STXBP5: variants seen among roughly 807,000 people sequenced by gnomAD.
STXBP5 encodes syntaxin-binding protein 5.
In STXBP5, 50 loss-of-function variants were observed where a neutral mutation model predicts 152.4. The observed-to-expected ratio is 0.33, with a 90% CI of 0.26 to 0.42. The LOEUF is 0.42. Ranked by LOEUF, STXBP5 falls within the 10% of genes least tolerant of loss-of-function variation. The pLI, the probability that STXBP5 is intolerant of heterozygous loss-of-function variation, is 1.00. For missense variants in STXBP5, 1,167 were observed against 1,388.6 expected, an observed-to-expected ratio of 0.84 and a Z score of 2.54; for synonymous variants, 492 against 494.7, an observed-to-expected ratio of 0.99 and a Z score of 0.07.
At chr6:147,332,735 C>T (rs1300861424) in intron 18 of STXBP5, among the ~76,000 whole-genome samples, 1 of 152,176 alleles carries the variant, frequency 6.6e-6, no homozygotes, top group East Asian at 1.9e-4. Context: ...GATGAAGGCA[C>T]TGAATGGATT....
chr6:147,323,133 C>T (rs960196685), intron 16 of STXBP5, among the ~76,000 whole-genome samples: 3 of 151,114 alleles, frequency 2.0e-5, no homozygotes, highest in Admixed American at 2.0e-4. Context: ...TACTCAACCT[C>T]CAATTCATTC....
At chr6:147,283,161 T>C (rs1780780751) in intron 8 of STXBP5, among the ~76,000 whole-genome samples, 1 of 152,220 alleles carries the variant, frequency 6.6e-6, no homozygotes, top group African/African-American at 2.4e-5. Context: ...TGAAGCTTAT[T>C]CATCAATGTA....
chr6:147,331,827 A>AAC (rs1783589523), intron 18 of STXBP5, among the ~76,000 whole-genome samples: 2 of 144,858 alleles, frequency 1.4e-5, no homozygotes, highest in Admixed American at 7.0e-5. Context: ...AAAAAAAAAA[A>AAC]CACACAAAAC....
chr6:147,385,421 A>G lies in STXBP5; in HGVS notation c.*666A>G, dbSNP rs190176311. On this transcript the variant is annotated 3_prime_UTR_variant, in exon 28 of 28. Transcript: ENST00000321680. ...ATTTAGTTCATATTTTGTCAAAAGCAAAACAAGAAGATACATCACTTTTCA... is the reference window on the plus strand; with the variant it reads ...ATTTAGTTCATATTTTGTCAAAAGCGAAACAAGAAGATACATCACTTTTCA... 2.0e-4 allele frequency: 31 copies of G among 152,254 alleles called. No homozygotes were observed. Among genetic ancestry groups the G allele is most frequent in the Admixed American group, 1.9e-3 (29 of 15,278 alleles). The allele number at this position is 152,254 out of a possible 1,614,324, so 9.4% of individuals were successfully genotyped here. A position where few individuals can be genotyped will look rare whatever the true frequency, so the allele number is the denominator to read the frequency against.
rs146237432 is a variant in STXBP5, at chr6:147,334,485, T to G, written c.2146+263T>G. On this transcript the variant is annotated intron_variant, in intron 19 of 27. Coordinates refer to ENST00000321680, the MANE Select transcript of STXBP5 (RefSeq NM_001127715.4). ...TTAATGTTCTTATATTTACACCTTTTTTAGAGAAAATATATTTTACTCCTT... is the reference window on the plus strand; with the variant it reads ...TTAATGTTCTTATATTTACACCTTTGTTAGAGAAAATATATTTTACTCCTT... Among the ~76,000 whole-genome samples, 66 of 152,308 alleles carry G rather than the reference T, an allele frequency of 4.3e-4. No homozygotes were observed. The East Asian group carries it at 0.012, about 27-fold the overall frequency.
chr6:147,213,004 A>G (rs1776937941), intron 2 of STXBP5, among the ~76,000 whole-genome samples: 1 of 152,208 alleles, frequency 6.6e-6, no homozygotes, highest in African/African-American at 2.4e-5. Flanking sequence ...AAACAAGAAT[A>G]TTGAGTTCCT....
chr6:147,247,695 C>T (rs1412100663), intron 4 of STXBP5, among the ~76,000 whole-genome samples: 2 of 152,040 alleles, frequency 1.3e-5, no homozygotes, highest in Admixed American at 6.6e-5. Flanking sequence ...TCTTTTGTTT[C>T]AATATTGTGA....
intron 6 of STXBP5, among the ~76,000 whole-genome samples, chr6:147,265,844 T>C (rs1347427941): frequency 6.6e-6 from 1 of 152,054 alleles, no homozygotes; most frequent in Non-Finnish European, 1.5e-5. Context: ...ATCCCGGTTT[T>C]ACAGACTGCA....
chr6:147,272,790 T>C (rs1461247452), intron 7 of STXBP5, among the ~76,000 whole-genome samples: 1 of 152,174 alleles, frequency 6.6e-6, no homozygotes, highest in Non-Finnish European at 1.5e-5. Flanking sequence ...ATTTAATCTC[T>C]TGAGGGTGAT....
At position 147,262,319 on chromosome 6, in the gene STXBP5, TC is replaced by T; in HGVS notation, c.598del (p.His200IlefsTer2). On this transcript the variant is annotated frameshift_variant, in exon 6 of 28. Transcript: ENST00000321680. LOFTEE classifies it high-confidence loss of function. ...TCTAAATCTCACCCAGGACCTGTGG[TC>T]CATATAAGTGATAATCCAATGGACG... is the stretch of plus-strand genomic sequence containing the variant. Reference protein sequence around the residue: ...LSSKSHPGPVVHISDNPMDEG... With the variant: ...LSSKSHPGPVXHISDNPMDEG... 6.4e-7 allele frequency: 1 copy of T among 1,556,332 alleles called. No individual in the cohort carries two copies. The highest frequency in any genetic ancestry group is 8.6e-7 in the Non-Finnish European group (1 of 1,157,208).
intron 26 of STXBP5, among the ~76,000 whole-genome samples, chr6:147,374,214 T>A (rs930606078): frequency 6.6e-6 from 1 of 152,224 alleles, no homozygotes; most frequent in African/African-American, 2.4e-5. Context: ...CCTCTAAAAC[T>A]ATTCTAGTTC....
chr6:147,335,558 G>A (rs1047425021), intron 19 of STXBP5, among the ~76,000 whole-genome samples: 1 of 152,132 alleles, frequency 6.6e-6, no homozygotes, highest in African/African-American at 2.4e-5. Context: ...TCCTGGGCCA[G>A]ACTTTCAAAA....
intron 4 of STXBP5, among the ~76,000 whole-genome samples, chr6:147,251,797 A>T (rs1346843647): frequency 6.6e-6 from 1 of 151,534 alleles, no homozygotes; most frequent in Non-Finnish European, 1.5e-5. Flanking sequence ...CCTTACTGGG[A>T]GACACCTCGC....
chr6:147,278,164 A>G lies in STXBP5; in HGVS notation c.798A>G (p.Val266=), dbSNP rs142856658. ...ATGGCACCTTGACTATATGGAATGT[A>G]AGGTCCCCTGCTAAACCAGTACAGA... ...HSDGTLTIWN[V]RSPAKPVQTI... Residue 266 remains valine (V), a synonymous_variant, in exon 8 of 28, where the codon GTA becomes GTG. Transcript: ENST00000321680. 155 of 1,612,840 alleles carry G rather than the reference A, an allele frequency of 9.6e-5. No individual in the cohort carries two copies. In the African/African-American group the frequency reaches 1.9e-3, roughly 20 times the overall value.
At chr6:147,259,032 A>G (rs1418975671) in intron 4 of STXBP5, among the ~76,000 whole-genome samples, 1 of 152,152 alleles carries the variant, frequency 6.6e-6, no homozygotes, top group Non-Finnish European at 1.5e-5. Flanking sequence ...CAGTTTACTT[A>G]AATGATGATG....
At chr6:147,339,970 T>C (rs1242359169) in intron 21 of STXBP5, among the ~76,000 whole-genome samples, 1 of 151,976 alleles carries the variant, frequency 6.6e-6, no homozygotes, top group Non-Finnish European at 1.5e-5. Context: ...AAGTTTAAAA[T>C]TAGGGAACAA....
At chr6:147,368,664 A>G (rs913218778) in intron 25 of STXBP5, among the ~76,000 whole-genome samples, 1 of 152,140 alleles carries the variant, frequency 6.6e-6, no homozygotes. Flanking sequence ...GGCTGTCTTT[A>G]TTCACAATGA....
rs553087287 is a variant in STXBP5, at chr6:147,286,706, G to C, written c.839-4388G>C. 2.0e-5 allele frequency among the ~76,000 whole-genome samples: 3 copies of C among 151,972 alleles called. No homozygotes were observed. The South Asian group carries it at 6.2e-4, about 32-fold the overall frequency. ...TGGTGTGGGGAAGAACTTTCCAAGC[G>C]TAAAACCAAAGAGGGGAGGGACCAA... On this transcript the variant is annotated intron_variant, in intron 8 of 27. Coordinates refer to ENST00000321680, the MANE Select transcript of STXBP5 (RefSeq NM_001127715.4).
Position 147,384,924 on chromosome 6 carries a change from T to C in STXBP5, c.*169T>C. 1.5e-6 allele frequency: 1 copy of C among 676,984 alleles called. No individual in the cohort carries two copies. The highest frequency in any genetic ancestry group is 2.6e-5 in the East Asian group (1 of 38,238). 41.9% of individuals were successfully genotyped at this position (676,984 alleles called of 1,614,324 possible). On this transcript the variant is annotated 3_prime_UTR_variant, in exon 28 of 28. Coordinates refer to ENST00000321680, the MANE Select transcript of STXBP5 (RefSeq NM_001127715.4). ...CAGTCATGTGGCTTTAACTGAGGAG[T>C]GTTCACACGCACTCGAAATGGAGTA...
Sources: allele counts gnomAD v4.1 joint callset (sites outside exome capture counted in the v4.1 genomes callset), GRCh38; gene constraint gnomAD v4.1.1; transcripts MANE v1.5; gene names NCBI Gene and HGNC (gene_info 2026-07-23, HGNC 2026-07-21).